AMPH: variants seen among roughly 807,000 people sequenced by gnomAD.
The protein encoded by AMPH is amphiphysin.
Under a neutral mutation model 99.1 loss-of-function variants are expected in AMPH, and 49 were observed. The ratio of observed to expected loss-of-function variants is 0.49; its 90% CI spans 0.39 to 0.63. The LOEUF (loss-of-function observed/expected upper bound fraction) is 0.63. AMPH is among the 20% of genes least tolerant of loss of function. The probability of loss-of-function intolerance (pLI) is 0.00; values close to 1 mark genes in which losing one functional copy is unlikely to be tolerated. For synonymous variants in AMPH, 314 were observed against 317.3 expected, an observed-to-expected ratio of 0.99 and a Z score of 0.11; for missense variants, 759 against 863.4, an observed-to-expected ratio of 0.88 and a Z score of 1.52.
rs763791831 is a variant in AMPH, at chr7:38,475,322, C to T, written c.590+9G>A. 10 of 1,596,004 alleles carry T rather than the reference C, an allele frequency of 6.3e-6. No individual in the cohort carries two copies. In the East Asian group the frequency reaches 2.2e-4, roughly 36 times the overall value. ...GGAACATGTGCAACCCATAGAGAAA[C>T]ATTTTTACCTTGACCATAATGATGG... On this transcript the variant is annotated intron_variant, in intron 7 of 20. Coordinates refer to ENST00000356264, the MANE Select transcript of AMPH (RefSeq NM_001635.4).
chr7:38,606,176 AT>A (rs2129063253), intron 1 of AMPH, among the ~76,000 whole-genome samples: 1 of 152,130 alleles, frequency 6.6e-6, no homozygotes, highest in Admixed American at 6.5e-5. Flanking sequence ...TGGTTTAGGG[AT>A]TTGTTTTTTG....
At position 38,475,411 on chromosome 7, in the gene AMPH, T is replaced by C. The variant is rs1262620883; in HGVS notation, c.510A>G (p.Glu170=). 4 of 1,611,212 alleles carry C rather than the reference T, an allele frequency of 2.5e-6. No homozygotes were observed. Among genetic ancestry groups the C allele is most frequent in the Non-Finnish European group, 3.4e-6 (4 of 1,178,116 alleles). Residue 170 remains glutamate (E), a synonymous_variant, in exon 7 of 21, where the codon GAA becomes GAG. Coordinates refer to ENST00000356264, the MANE Select transcript of AMPH (RefSeq NM_001635.4). ...CTTTCTGTGCTTTCTGAAATTCTTC[T>C]TCTGCCTAGGAATGAAACATAACAT... ...RKDESRISKA[E]EEFQKAQKVF...
chr7:38,525,277 T>TATATATATATAGAG (rs1481528083), intron 2 of AMPH, among the ~76,000 whole-genome samples: 169 of 86,630 alleles, frequency 2.0e-3, no homozygotes, highest in East Asian at 6.5e-3. Context: ...TATATATATA[T>TATATATATATAGAG]AGAGAGAGAG....
chr7:38,533,619 C>A (rs1790492819), intron 2 of AMPH, among the ~76,000 whole-genome samples: 1 of 152,174 alleles, frequency 6.6e-6, no homozygotes, highest in Admixed American at 6.5e-5. Flanking sequence ...AGGTCAGGAG[C>A]AAAGGGAGCA....
At chr7:38,473,018 G>C (rs1023270737) in intron 7 of AMPH, among the ~76,000 whole-genome samples, 44 of 152,160 alleles carry the variant, frequency 2.9e-4, no homozygotes, top group Non-Finnish European at 4.9e-4. Flanking sequence ...AAAAACCTTA[G>C]TTATATACCC....
intron 1 of AMPH, among the ~76,000 whole-genome samples, chr7:38,627,252 T>C (rs1185022671): frequency 2.0e-5 from 3 of 151,800 alleles, no homozygotes; most frequent in African/African-American, 7.3e-5. Flanking sequence ...TCTGTAAAAA[T>C]GCTGAAGGAG....
intron 1 of AMPH, among the ~76,000 whole-genome samples, chr7:38,602,149 G>A (rs1793267438): frequency 6.6e-6 from 1 of 152,136 alleles, no homozygotes; most frequent in African/African-American, 2.4e-5. Context: ...GCCCAACAGT[G>A]GGCAGCACCA....
intron 14 of AMPH, chr7:38,428,419 A>G: frequency 2.2e-6 from 1 of 456,740 alleles, no homozygotes; most frequent in Non-Finnish European, 4.4e-6. Context: ...CCCAGAGAAT[A>G]ATTAAGGTCA....
chr7:38,573,888 T>TATA (rs1792137389), intron 1 of AMPH, among the ~76,000 whole-genome samples: 1 of 152,230 alleles, frequency 6.6e-6, no homozygotes, highest in South Asian at 2.1e-4. Flanking sequence ...TTTTCATGAC[T>TATA]GTCCTAAGGA....
intron 17 of AMPH, among the ~76,000 whole-genome samples, chr7:38,415,669 T>C (rs551911083): frequency 1.3e-4 from 20 of 152,304 alleles, no homozygotes; most frequent in African/African-American, 4.6e-4. Context: ...GTTAAAAACA[T>C]GGAAGGCAGC....
At chr7:38,594,036 C>T (rs140573213) in intron 1 of AMPH, among the ~76,000 whole-genome samples, 3 of 152,172 alleles carry the variant, frequency 2.0e-5, no homozygotes, top group Non-Finnish European at 2.9e-5. Context: ...AAGCTCTTGG[C>T]GTTAGCATGC....
chr7:38,492,932 G>A (rs1015639307), intron 4 of AMPH, among the ~76,000 whole-genome samples: 29 of 152,298 alleles, frequency 1.9e-4, no homozygotes, highest in African/African-American at 6.7e-4. Context: ...GAAATACTGT[G>A]TTTTAATTGA....
At chr7:38,464,676 TA>T (rs561689361) in intron 9 of AMPH, among the ~76,000 whole-genome samples, 1 of 151,804 alleles carries the variant, frequency 6.6e-6, no homozygotes, top group South Asian at 2.1e-4. Context: ...TCTATTGAAT[TA>T]AAAAAAATGA....
intron 1 of AMPH, among the ~76,000 whole-genome samples, chr7:38,573,725 T>C (rs1792131653): frequency 6.6e-6 from 1 of 152,232 alleles, no homozygotes; most frequent in Non-Finnish European, 1.5e-5. Flanking sequence ...TTAATTTATA[T>C]TTCCTTCTGA....
Position 38,595,227 on chromosome 7 carries a change from C to A in AMPH, c.69+36056G>T, listed in dbSNP as rs143472902. Among the ~76,000 whole-genome samples the A allele has an allele frequency of 2.1e-3, 317 of 152,306 alleles. 2 individuals are homozygous for A. Among genetic ancestry groups the A allele is most frequent in the African/African-American group, 6.6e-3 (275 of 41,560 alleles). ...CCAGGGCTTCACTCCTGTGTGTCTT[C>A]CCTTCCTCTCCTCCACATATCACAG... On this transcript the variant is annotated intron_variant, in intron 1 of 20. Coordinates refer to ENST00000356264, the MANE Select transcript of AMPH (RefSeq NM_001635.4).
intron 17 of AMPH, among the ~76,000 whole-genome samples, chr7:38,401,121 A>G (rs1454927714): frequency 1.3e-5 from 2 of 152,144 alleles, no homozygotes; most frequent in Admixed American, 1.3e-4. Flanking sequence ...TAACAGTTCT[A>G]TTAGCATTAA....
chr7:38,617,671 A>G (rs768569853), intron 1 of AMPH, among the ~76,000 whole-genome samples: 2 of 152,238 alleles, frequency 1.3e-5, no homozygotes, highest in Non-Finnish European at 2.9e-5. Context: ...TTTTGCAGAA[A>G]TATTTAAGCC....
intron 20 of AMPH, among the ~76,000 whole-genome samples, chr7:38,387,990 T>C (rs1340981325): frequency 6.6e-6 from 1 of 151,904 alleles, no homozygotes; most frequent in Non-Finnish European, 1.5e-5. Context: ...AAAAATCAAC[T>C]CAGATTTCTA....
intron 6 of AMPH, 31 bp downstream of exon 6, chr7:38,476,826 ACGGAG>A (rs1562780293): frequency 3.4e-6 from 5 of 1,491,458 alleles, no homozygotes; most frequent in Non-Finnish European, 4.7e-6. Flanking sequence ...GTCATAAAAT[ACGGAG>A]AGTGGTATTC....
Sources: gnomAD v4.1 joint callset for allele counts (sites outside exome capture counted in the v4.1 genomes callset) on GRCh38, gnomAD v4.1.1 for gene constraint, MANE v1.5 for transcripts, NCBI Gene and HGNC (gene_info 2026-07-23, HGNC 2026-07-21) for gene names.